KSR1: variants seen among roughly 807,000 people sequenced by gnomAD.
KSR1 encodes kinase suppressor of ras 1, also known as kinase suppressor of ras.
In KSR1, 35 loss-of-function variants were observed where a neutral mutation model predicts 92.9. That is an observed-to-expected ratio of 0.38 (90% CI 0.29 to 0.50). KSR1 has a LOEUF of 0.50. Ranked by LOEUF, KSR1 falls within the 20% of genes least tolerant of loss-of-function variation. KSR1 has a pLI of 0.94. For synonymous variants in KSR1, 467 were observed against 472.6 expected (o/e 0.99, Z 0.15); for missense variants, 972 against 1,158.5 (o/e 0.84, Z 2.34).
At chr17:27,540,472 C>T (rs569594628) in intron 1 of KSR1, among the ~76,000 whole-genome samples, 1 of 152,288 alleles carries the variant, frequency 6.6e-6, no homozygotes, top group South Asian at 2.1e-4. Context: ...TTTGAAGTTC[C>T]CCGACTCTGA....
chr17:27,567,923 T>G (rs1261936850), intron 2 of KSR1, among the ~76,000 whole-genome samples: 1 of 152,204 alleles, frequency 6.6e-6, no homozygotes, highest in Non-Finnish European at 1.5e-5. Context: ...GAGCCTGCCT[T>G]TGATCTCGGC....
intron 1 of KSR1, among the ~76,000 whole-genome samples, chr17:27,472,916 T>C (rs1298520704): frequency 6.6e-6 from 1 of 152,212 alleles, no homozygotes; most frequent in Non-Finnish European, 1.5e-5. Flanking sequence ...GAAGTGGACC[T>C]GCCCAGGTTT....
At chr17:27,576,234 A>G (rs58541188) in intron 2 of KSR1, among the ~76,000 whole-genome samples, 21,565 of 152,168 alleles carry the variant, frequency 0.14, 1,708 homozygotes, top group South Asian at 0.24. Flanking sequence ...TTTGCTGTAT[A>G]TAGTAATACC....
rs200904358 is a variant in KSR1, at chr17:27,563,981, C to CTTTTTTTTTTTTTTT, written c.372+13284_372+13298dup. On this transcript the variant is annotated intron_variant, in intron 2 of 20. Coordinates refer to ENST00000644974, the MANE Select transcript of KSR1 (RefSeq NM_001394583.1). ...TATTTGTACAGTTGGTATTCGGTAG[C>CTTTTTTTTTTTTTTT]TTTTTTTTTTTTTTTTTTTTTTTTT... Among the ~76,000 whole-genome samples the CTTTTTTTTTTTTTTT allele has an allele frequency of 1.3e-3, 59 of 46,892 alleles. 9 individuals carry two copies. The highest frequency in any genetic ancestry group is 2.2e-3 in the African/African-American group (24 of 10,790). The allele number at this position is 46,892 out of a possible 152,430, so 30.8% of individuals were successfully genotyped here.
intron 1 of KSR1, among the ~76,000 whole-genome samples, chr17:27,550,237 G>T (rs1247094341): frequency 6.6e-6 from 1 of 152,194 alleles, no homozygotes; most frequent in Admixed American, 6.5e-5. Context: ...ACAGGGTTTT[G>T]CCATGTTGGC....
In KSR1 at chr17:27,496,409, A is replaced by G. The variant is rs1405542859; in HGVS notation, c.231+39535A>G. 2.0e-5 allele frequency among the ~76,000 whole-genome samples: 3 copies of G among 152,170 alleles called. No homozygotes were observed. In the East Asian group the frequency reaches 5.8e-4, roughly 29 times the overall value. On this transcript the variant is annotated intron_variant, in intron 1 of 20. Coordinates refer to ENST00000644974, the MANE Select transcript of KSR1 (RefSeq NM_001394583.1). ...TCATGAGTTGAATAGAAAAACCTAGATAATTTGCCGCCCCCTTTCTCTATT... is the reference window on the plus strand; with the variant it reads ...TCATGAGTTGAATAGAAAAACCTAGGTAATTTGCCGCCCCCTTTCTCTATT...
chr17:27,590,687 G>T (rs1258729698), intron 6 of KSR1, 124 bp from the exon 7 acceptor site: 5 of 813,212 alleles, frequency 6.1e-6, no homozygotes, highest in Non-Finnish European at 1.0e-5. Flanking sequence ...TCTGGGAGGG[G>T]GCCAAGGGGC....
intron 1 of KSR1, among the ~76,000 whole-genome samples, chr17:27,494,911 C>T (rs1484493667): frequency 6.6e-6 from 1 of 152,214 alleles, no homozygotes; most frequent in Non-Finnish European, 1.5e-5. Flanking sequence ...CTGTCAGTGT[C>T]CCTGGGCTCA....
intron 10 of KSR1, among the ~76,000 whole-genome samples, chr17:27,599,643 A>G (rs933132533): frequency 6.6e-6 from 1 of 152,226 alleles, no homozygotes; most frequent in Admixed American, 6.5e-5. Flanking sequence ...TGTAGACTTT[A>G]TAAACACTAA....
intron 2 of KSR1, among the ~76,000 whole-genome samples, chr17:27,564,987 A>G (rs2072005347): frequency 6.6e-6 from 1 of 152,188 alleles, no homozygotes; most frequent in Admixed American, 6.5e-5. Context: ...ATCAATGTTT[A>G]TTTTAGAAAA....
intron 1 of KSR1, among the ~76,000 whole-genome samples, chr17:27,515,727 A>G (rs372412404): frequency 6.7e-5 from 10 of 148,160 alleles, no homozygotes; most frequent in East Asian, 6.0e-4. Context: ...CTGCTTTACT[A>G]TAATCTATGG....
intron 1 of KSR1, chr17:27,472,037 C>T (rs1157354417): frequency 1.3e-5 from 2 of 152,218 alleles, no homozygotes; most frequent in African/African-American, 4.8e-5. Flanking sequence ...AAGGGGTCCT[C>T]AGACTTGAGG....
chr17:27,526,303 T>A, intron 1 of KSR1: 2 of 953,392 alleles, frequency 2.1e-6, no homozygotes, highest in Non-Finnish European at 3.1e-6. Context: ...GTTGTCGCTC[T>A]GTTACAGGTT....
intron 2 of KSR1, among the ~76,000 whole-genome samples, chr17:27,551,078 T>C (rs906111659): frequency 5.9e-5 from 9 of 152,346 alleles, no homozygotes; most frequent in Admixed American, 4.6e-4. Flanking sequence ...GAAATTACTA[T>C]CATTGTTGCC....
chr17:27,584,923 C>T (rs1301912365), intron 4 of KSR1, among the ~76,000 whole-genome samples: 2 of 152,144 alleles, frequency 1.3e-5, no homozygotes, highest in African/African-American at 4.8e-5. Flanking sequence ...CAGCCACACC[C>T]TTGCCAACTG....
At chr17:27,621,457 G>A (rs563609976) in intron 20 of KSR1, among the ~76,000 whole-genome samples, 184 bp downstream of exon 20, 3 of 152,226 alleles carry the variant, frequency 2.0e-5, no homozygotes, top group South Asian at 2.1e-4. Context: ...TGCATTTTTC[G>A]CTGGGTGAGA....
At chr17:27,597,526 C>T (rs1337018014) in intron 10 of KSR1, 90 bp downstream of exon 10, 1 of 1,333,536 alleles carries the variant, frequency 7.5e-7, no homozygotes, top group East Asian at 2.4e-5. Context: ...CAAGGTCAGA[C>T]ATGGCCACAG....
chr17:27,489,486 T>C (rs1477427761), intron 1 of KSR1, among the ~76,000 whole-genome samples: 1 of 152,156 alleles, frequency 6.6e-6, no homozygotes, highest in Non-Finnish European at 1.5e-5. Flanking sequence ...CACTTTCCCT[T>C]TTCTCTTCTC....
At chr17:27,527,133 C>A in intron 1 of KSR1, 1 of 309,562 alleles carries the variant, frequency 3.2e-6, no homozygotes, top group Admixed American at 3.9e-5. Context: ...CATTCCAGCA[C>A]ATATTTGTAC....
Sources: allele counts gnomAD v4.1 joint callset (sites outside exome capture counted in the v4.1 genomes callset), GRCh38; gene constraint gnomAD v4.1.1; transcripts MANE v1.5; gene names NCBI Gene and HGNC (gene_info 2026-07-23, HGNC 2026-07-21).